Variants in DLG2 observed in about 807,000 individuals in gnomAD.
The protein encoded by DLG2 is disks large homolog 2.
DLG2 carries 45 observed loss-of-function variants against 132.5 expected under a neutral mutation model. The observed-to-expected ratio is 0.34, with a 90% confidence interval of 0.27 to 0.44. The LOEUF (loss-of-function observed/expected upper bound fraction) is 0.44, where lower values mean the gene tolerates loss of function less well. Among genes scored for constraint, DLG2 ranks in the 20% least tolerant of loss-of-function variants. DLG2 has a pLI of 1.00. For missense variants in DLG2, 1,045 were observed against 1,196.9 expected, an observed-to-expected ratio of 0.87 and a Z score of 1.87; for synonymous variants, 424 against 419.6, an observed-to-expected ratio of 1.01 and a Z score of -0.13.
At chr11:83,502,182 T>C (rs560915457) in intron 21 of DLG2, among the ~76,000 whole-genome samples, 2 of 152,322 alleles carry the variant, frequency 1.3e-5, no homozygotes, top group African/African-American at 4.8e-5. Flanking sequence ...CTACAAATAG[T>C]GTTCACAACT....
chr11:84,620,712 G>T (rs2154541079), intron 6 of DLG2, among the ~76,000 whole-genome samples: 1 of 152,166 alleles, frequency 6.6e-6, no homozygotes, highest in East Asian at 1.9e-4. Flanking sequence ...AAAATTTTGT[G>T]TTGATGATGT....
chr11:85,434,137 A>G (rs995535130), intron 3 of DLG2, among the ~76,000 whole-genome samples: 1 of 152,064 alleles, frequency 6.6e-6, no homozygotes, highest in Non-Finnish European at 1.5e-5. Context: ...GAAAAAAAAG[A>G]AAACATACCA....
chr11:84,803,670 G>A (rs2075680389), intron 6 of DLG2, among the ~76,000 whole-genome samples: 1 of 152,100 alleles, frequency 6.6e-6, no homozygotes, highest in Non-Finnish European at 1.5e-5. Flanking sequence ...GTGCCTTTAG[G>A]TTTTACATTT....
chr11:84,799,326 C>A (rs1038741985), intron 6 of DLG2, among the ~76,000 whole-genome samples: 1 of 152,162 alleles, frequency 6.6e-6, no homozygotes, highest in African/African-American at 2.4e-5. Flanking sequence ...CAATGCAAAT[C>A]CCTCCAGCTG....
intron 2 of DLG2, among the ~76,000 whole-genome samples, chr11:85,613,568 G>A (rs916448316): frequency 1.3e-5 from 2 of 152,182 alleles, no homozygotes; most frequent in Non-Finnish European, 2.9e-5. Context: ...TCTGTGTCTA[G>A]CTAAAGGATT....
intron 6 of DLG2, among the ~76,000 whole-genome samples, chr11:85,028,916 G>T (rs961851264): frequency 6.6e-6 from 1 of 152,134 alleles, no homozygotes; most frequent in African/African-American, 2.4e-5. Flanking sequence ...CCCCAGCTGT[G>T]CCTACCCCGC....
chr11:83,698,247 A>G (rs2082267369), intron 18 of DLG2, among the ~76,000 whole-genome samples: 1 of 152,238 alleles, frequency 6.6e-6, no homozygotes, highest in Non-Finnish European at 1.5e-5. Flanking sequence ...TGTTCTTTCC[A>G]AAATTGGCTA....
chr11:84,142,520 G>A (rs2094898394), intron 9 of DLG2, among the ~76,000 whole-genome samples: 2 of 152,076 alleles, frequency 1.3e-5, no homozygotes, highest in South Asian at 2.1e-4. Flanking sequence ...CCAAATAGCT[G>A]ATAATAACAT....
At chr11:85,342,938 T>C (rs994588097) in intron 3 of DLG2, among the ~76,000 whole-genome samples, 2 of 151,692 alleles carry the variant, frequency 1.3e-5, no homozygotes, top group African/African-American at 2.4e-5. Context: ...AACACATATG[T>C]ATCTAATGCA....
intron 3 of DLG2, among the ~76,000 whole-genome samples, chr11:85,497,898 C>A (rs2093704594): frequency 6.6e-6 from 1 of 152,148 alleles, no homozygotes; most frequent in Non-Finnish European, 1.5e-5. Flanking sequence ...TTGTCACCAC[C>A]AGGTCTGCCT....
At chr11:83,956,183 C>T (rs1338202893) in intron 14 of DLG2, among the ~76,000 whole-genome samples, 4 of 152,228 alleles carry the variant, frequency 2.6e-5, no homozygotes, top group South Asian at 2.1e-4. Context: ...TCAAATTATC[C>T]GCCTTCACTA....
rs113864988 is a variant in DLG2, at chr11:84,467,901, T to C, written c.519+66669A>G. ...ATACATCAAAAGACTGATAATTCAA[T>C]AGGTAGATAGATAACACATATTTGG... On this transcript the variant is annotated intron_variant, in intron 7 of 27. Coordinates refer to ENST00000376104, the MANE Select transcript of DLG2 (RefSeq NM_001142699.3). Among the ~76,000 whole-genome samples, 539 of 151,624 alleles carry C rather than the reference T, an allele frequency of 3.6e-3. 8 individuals carry two copies. Among genetic ancestry groups the C allele is most frequent in the East Asian group, 0.029 (151 of 5,132 alleles).
At chr11:85,324,862 G>A (rs867019731) in intron 3 of DLG2, among the ~76,000 whole-genome samples, 13 of 150,546 alleles carry the variant, frequency 8.6e-5, no homozygotes, top group Non-Finnish European at 1.3e-4. Context: ...CTGAGGTACC[G>A]GGTTCATCTC....
intron 18 of DLG2, among the ~76,000 whole-genome samples, chr11:83,638,705 T>C (rs1043383365): frequency 2.0e-5 from 3 of 152,164 alleles, no homozygotes; most frequent in Non-Finnish European, 4.4e-5. Context: ...TTTGGGACAC[T>C]TGCCATCAGG....
chr11:83,589,541 A>G (rs1270701107), intron 19 of DLG2, among the ~76,000 whole-genome samples: 2 of 152,008 alleles, frequency 1.3e-5, no homozygotes, highest in Non-Finnish European at 2.9e-5. Flanking sequence ...AAATCATGCC[A>G]AAATGTAAAG....
At chr11:85,368,131 A>T (rs553752670) in intron 3 of DLG2, among the ~76,000 whole-genome samples, 1 of 152,352 alleles carries the variant, frequency 6.6e-6, no homozygotes, top group East Asian at 1.9e-4. Flanking sequence ...GTTTCATTAA[A>T]GTTAATTCTT....
intron 10 of DLG2, among the ~76,000 whole-genome samples, chr11:84,067,721 C>T (rs954985954): frequency 2.0e-5 from 3 of 152,172 alleles, no homozygotes; most frequent in African/African-American, 7.2e-5. Flanking sequence ...AAGTCCATCA[C>T]CAGTTAAGGT....
chr11:84,296,305 G>A (rs1215008435), intron 7 of DLG2, among the ~76,000 whole-genome samples: 1 of 152,032 alleles, frequency 6.6e-6, no homozygotes, highest in African/African-American at 2.4e-5. Flanking sequence ...ATATGATTTT[G>A]TTACTTGAAA....
chr11:84,100,815 C>T (rs1322222326), intron 9 of DLG2, among the ~76,000 whole-genome samples: 1 of 152,052 alleles, frequency 6.6e-6, no homozygotes, highest in African/African-American at 2.4e-5. Flanking sequence ...GACACCTATA[C>T]CACTGCAAAT....
Sources: gnomAD v4.1 joint callset for allele counts (sites outside exome capture counted in the v4.1 genomes callset) on GRCh38, gnomAD v4.1.1 for gene constraint, MANE v1.5 for transcripts, NCBI Gene and HGNC (gene_info 2026-07-23, HGNC 2026-07-21) for gene names.